Variants in ADAMTS2 observed in about 807,000 individuals in gnomAD.
ADAMTS2 encodes A disintegrin and metalloproteinase with thrombospondin motifs 2.
A neutral mutation model predicts 123.0 loss-of-function variants in ADAMTS2; 50 were observed. That is an observed-to-expected ratio of 0.41 (90% confidence interval 0.32 to 0.51). The LOEUF (loss-of-function observed/expected upper bound fraction) is 0.51, where lower values mean the gene tolerates loss of function less well. ADAMTS2 is among the 20% of genes least tolerant of loss of function. The pLI is 0.35. For missense variants in ADAMTS2, 1,494 were observed against 1,705.2 expected (o/e 0.88, Z 2.18); for synonymous variants, 678 against 695.4 (o/e 0.98, Z 0.39).
At chr5:179,311,167 G>A (rs1181560568) in intron 2 of ADAMTS2, among the ~76,000 whole-genome samples, 2 of 152,090 alleles carry the variant, frequency 1.3e-5, no homozygotes, top group Non-Finnish European at 2.9e-5. Context: ...CTGAGGCCGA[G>A]CCTCCCCCGC....
intron 3 of ADAMTS2, among the ~76,000 whole-genome samples, chr5:179,235,887 G>T (rs1335856951): frequency 1.3e-5 from 2 of 152,174 alleles, no homozygotes; most frequent in African/African-American, 4.8e-5. Flanking sequence ...TCTGCATCTG[G>T]CCAAGTGCCT....
At chr5:179,186,350 CCT>C (rs1448686214) in intron 4 of ADAMTS2, among the ~76,000 whole-genome samples, 1 of 152,198 alleles carries the variant, frequency 6.6e-6, no homozygotes, top group Non-Finnish European at 1.5e-5. Context: ...TGCTGTCCAG[CCT>C]CTCAGTCCCC....
chr5:179,218,651 G>T (rs1290701041), intron 3 of ADAMTS2, among the ~76,000 whole-genome samples: 1 of 152,212 alleles, frequency 6.6e-6, no homozygotes. Flanking sequence ...GGTGGGGAGG[G>T]GCTCCTGGGG....
intron 3 of ADAMTS2, among the ~76,000 whole-genome samples, chr5:179,215,621 A>G (rs927422420): frequency 1.3e-5 from 2 of 152,210 alleles, no homozygotes; most frequent in Non-Finnish European, 2.9e-5. Context: ...GCCTCCAAGG[A>G]TAGGCAGAGC....
chr5:179,152,541 G>T (rs1424966155), intron 9 of ADAMTS2, among the ~76,000 whole-genome samples: 1 of 152,132 alleles, frequency 6.6e-6, no homozygotes, highest in East Asian at 1.9e-4. Context: ...CCAGCCTGAG[G>T]CTAGGTGGGC....
In ADAMTS2 at chr5:179,155,276, G is replaced by C. The variant is rs1324088618; in HGVS notation, c.1133-357C>G. 6.6e-6 allele frequency among the ~76,000 whole-genome samples: 1 copy of C among 152,146 alleles called. No homozygotes were observed. Among genetic ancestry groups the C allele is most frequent in the Non-Finnish European group, 1.5e-5 (1 of 68,014 alleles). On this transcript the variant is annotated intron_variant, in intron 6 of 21. Coordinates refer to ENST00000251582, the MANE Select transcript of ADAMTS2 (RefSeq NM_014244.5). This position sits in a 1 kb window ranked among gnomAD's most constrained non-coding sequence, Gnocchi z 5.1. ...TTCACGCCACCTGCCTCTGCCCCCT[G>C]CCTGCCTCACTGAGTGGCCCCTGAG...
chr5:179,145,945 C>T (rs900363103), intron 10 of ADAMTS2, among the ~76,000 whole-genome samples: 3 of 152,184 alleles, frequency 2.0e-5, no homozygotes, highest in Admixed American at 6.5e-5. Flanking sequence ...CTCTGCTTCC[C>T]GGGTTCAAGT....
intron 2 of ADAMTS2, among the ~76,000 whole-genome samples, chr5:179,296,147 A>C (rs1756324121): frequency 6.6e-6 from 1 of 150,448 alleles, no homozygotes; most frequent in African/African-American, 2.4e-5. Context: ...TGGGGACAGG[A>C]GAATGACCAC....
At chr5:179,152,444 A>G (rs528084155) in intron 9 of ADAMTS2, among the ~76,000 whole-genome samples, 189 bp from the exon 10 acceptor site, 1 of 152,246 alleles carries the variant, frequency 6.6e-6, no homozygotes, top group Non-Finnish European at 1.5e-5. Context: ...AGGCTGCAGC[A>G]TCCCTGGACG....
intron 12 of ADAMTS2, 111 bp downstream of exon 12, chr5:179,137,658 C>A: frequency 2.1e-6 from 3 of 1,437,574 alleles, no homozygotes; most frequent in Non-Finnish European, 2.8e-6. Flanking sequence ...TCCTGCCAGC[C>A]CAGGGTCGCG....
chr5:179,126,572 G>A (rs537528683), intron 17 of ADAMTS2, among the ~76,000 whole-genome samples: 70 of 152,338 alleles, frequency 4.6e-4, no homozygotes, highest in African/African-American at 1.6e-3. Context: ...ATTTGGCCAC[G>A]TCTGGGACAT....
At chr5:179,217,896 G>C (rs2113399345) in intron 3 of ADAMTS2, among the ~76,000 whole-genome samples, 1 of 80,540 alleles carries the variant, frequency 1.2e-5, no homozygotes, top group South Asian at 4.1e-4. Context: ...TCACTAGGTA[G>C]GGGATGGCCT....
intron 19 of ADAMTS2, 146 bp downstream of exon 19, chr5:179,124,827 T>C: frequency 6.3e-7 from 1 of 1,598,682 alleles, no homozygotes; most frequent in Non-Finnish European, 8.5e-7. Context: ...CCGGCGGCTC[T>C]CAGGCCGGGC....
At chr5:179,165,802 T>G (rs1157913520) in intron 5 of ADAMTS2, among the ~76,000 whole-genome samples, 2 of 152,142 alleles carry the variant, frequency 1.3e-5, no homozygotes, top group African/African-American at 2.4e-5. Flanking sequence ...AGGTCCAGCC[T>G]AGGGCCCCAG....
At chr5:179,286,216 CAAAAAAA>C (rs33951526) in intron 2 of ADAMTS2, among the ~76,000 whole-genome samples, 2 of 66,050 alleles carry the variant, frequency 3.0e-5, no homozygotes, top group Non-Finnish European at 5.7e-5. Flanking sequence ...ACTCTTGTCT[CAAAAAAA>C]AAAAAAAAAA....
At chr5:179,293,387 G>A (rs1169014847) in intron 2 of ADAMTS2, among the ~76,000 whole-genome samples, 1 of 152,250 alleles carries the variant, frequency 6.6e-6, no homozygotes, top group African/African-American at 2.4e-5. Flanking sequence ...ACATCTCAAT[G>A]TGAAGAGTAT....
chr5:179,187,499 T>A (rs1013021024), intron 4 of ADAMTS2, among the ~76,000 whole-genome samples: 2 of 152,200 alleles, frequency 1.3e-5, no homozygotes, highest in Non-Finnish European at 2.9e-5. Flanking sequence ...TGAATCACTT[T>A]GAAGATATGG....
intron 3 of ADAMTS2, among the ~76,000 whole-genome samples, chr5:179,261,640 G>A (rs1488620223): frequency 6.6e-6 from 1 of 152,212 alleles, no homozygotes; most frequent in Non-Finnish European, 1.5e-5. Flanking sequence ...CAGCTGTCTC[G>A]GGCAGCTTTT....
At chr5:179,149,078 T>G (rs1581153245) in intron 10 of ADAMTS2, among the ~76,000 whole-genome samples, 1 of 152,012 alleles carries the variant, frequency 6.6e-6, no homozygotes, top group African/African-American at 2.4e-5. Flanking sequence ...GTGGCGCAGG[T>G]GGGGTTGCAG....
Sources: gnomAD v4.1 joint callset for allele counts (sites outside exome capture counted in the v4.1 genomes callset) on GRCh38, gnomAD v4.1.1 for gene constraint, Gnocchi (gnomAD v3.1) non-coding constraint, MANE v1.5 for transcripts, NCBI Gene and HGNC (gene_info 2026-07-23, HGNC 2026-07-21) for gene names.